The following THSD4 variants were observed in gnomAD, a reference collection of about 807,000 sequenced individuals.
THSD4 encodes thrombospondin type 1 domain containing 4.
Under a neutral mutation model 119.0 loss-of-function variants are expected in THSD4, and 69 were observed. The ratio of observed to expected loss-of-function variants is 0.58; its 90% confidence interval spans 0.48 to 0.71. The LOEUF (loss-of-function observed/expected upper bound fraction) is 0.71. Among genes scored for constraint, THSD4 ranks in the 30% least tolerant of loss-of-function variants. The pLI is 0.00. For missense variants in THSD4, 1,393 were observed against 1,391.1 expected, an observed-to-expected ratio of 1.00 and a Z score of -0.02; for synonymous variants, 524 against 540.4, an observed-to-expected ratio of 0.97 and a Z score of 0.42.
At chr15:71,512,835 T>A (rs1029256766) in intron 7 of THSD4, among the ~76,000 whole-genome samples, 1 of 152,162 alleles carries the variant, frequency 6.6e-6, no homozygotes, top group Admixed American at 6.5e-5. Flanking sequence ...AGAGTAGGGC[T>A]TGTGGTAGCT....
In THSD4 at chr15:71,771,142, T is replaced by A. The variant is rs1205955937; in HGVS notation, c.2848T>A (p.Cys950Ser). Residue 950 changes from cysteine to serine, a missense_variant, in exon 17 of 18, where the codon TGT becomes AGT. By Grantham distance (112) the Cys-to-Ser change is moderately radical. Coordinates refer to ENST00000261862, the MANE Select transcript of THSD4 (RefSeq NM_024817.3). The part of the protein sequence containing the change: ...LSDDMTLSNL[C>S]DPQLKPEERE... ...TGATGACATGACTCTAAGTAACCTC[T>A]GTGACCCTCAGTTGAAACCAGAAGA... The A allele has an allele frequency of 1.2e-6, 2 of 1,614,098 alleles. No homozygotes were observed. The highest frequency in any genetic ancestry group is 3.3e-5 in the Admixed American group (2 of 60,006).
chr15:71,651,071 A>G (rs16955948), intron 7 of THSD4, among the ~76,000 whole-genome samples: 16,897 of 152,222 alleles, frequency 0.11, 998 homozygotes, highest in East Asian at 0.2. Flanking sequence ...ATCAAGATCT[A>G]TGCTCAGACC....
At chr15:71,490,708 A>C (rs953702899) in intron 7 of THSD4, among the ~76,000 whole-genome samples, 4 of 151,980 alleles carry the variant, frequency 2.6e-5, no homozygotes, top group African/African-American at 9.7e-5. Flanking sequence ...CAGCCTGGGT[A>C]ACAGAGCAGG....
At chr15:71,638,674 T>C (rs1177054058) in intron 7 of THSD4, among the ~76,000 whole-genome samples, 1 of 152,200 alleles carries the variant, frequency 6.6e-6, no homozygotes, top group African/African-American at 2.4e-5. Context: ...GAATTCGAGA[T>C]CTAGTTTGTA....
At chr15:71,305,279 G>A (rs2045008794) in intron 6 of THSD4, among the ~76,000 whole-genome samples, 1 of 150,704 alleles carries the variant, frequency 6.6e-6, no homozygotes, top group Non-Finnish European at 1.5e-5. Flanking sequence ...ACAGACTTGA[G>A]TCTAAGAGGA....
intron 8 of THSD4, among the ~76,000 whole-genome samples, chr15:71,684,637 C>T (rs1361882705): frequency 6.6e-6 from 1 of 151,312 alleles, no homozygotes; most frequent in Non-Finnish European, 1.5e-5. Flanking sequence ...TTTCATCTTG[C>T]TGAATGGTTT....
intron 8 of THSD4, among the ~76,000 whole-genome samples, chr15:71,727,125 G>A (rs2052856985): frequency 1.3e-5 from 2 of 151,932 alleles, no homozygotes; most frequent in African/African-American, 2.4e-5. Context: ...AGAAATCACA[G>A]GTCTGACCCC....
intron 7 of THSD4, among the ~76,000 whole-genome samples, chr15:71,568,874 C>G (rs1484017161): frequency 6.6e-6 from 1 of 152,140 alleles, no homozygotes; most frequent in Non-Finnish European, 1.5e-5. Context: ...GTTTGCTGAT[C>G]TTTCTCTCTT....
chr15:71,556,397 A>T (rs2049017141), intron 7 of THSD4, among the ~76,000 whole-genome samples: 1 of 151,644 alleles, frequency 6.6e-6, no homozygotes, highest in Non-Finnish European at 1.5e-5. Context: ...TTTTTATTAT[A>T]AATTATGTGT....
chr15:71,692,666 G>A (rs1178574837), intron 8 of THSD4, among the ~76,000 whole-genome samples: 1 of 152,122 alleles, frequency 6.6e-6, no homozygotes, highest in East Asian at 1.9e-4. Flanking sequence ...GAGTTGGAGT[G>A]TCGCTCTGAC....
intron 15 of THSD4, among the ~76,000 whole-genome samples, chr15:71,760,956 C>T (rs1027115188): frequency 2.6e-5 from 4 of 152,120 alleles, no homozygotes; most frequent in African/African-American, 4.8e-5. Flanking sequence ...AATTTTCAAA[C>T]GTTCTATGTA....
chr15:71,585,212 T>C (rs1017962074), intron 7 of THSD4, among the ~76,000 whole-genome samples: 2 of 152,226 alleles, frequency 1.3e-5, no homozygotes, highest in Non-Finnish European at 2.9e-5. Flanking sequence ...TATTGCTAAT[T>C]CGTGTCTTTT....
chr15:71,524,322 G>A (rs750988577), intron 7 of THSD4, among the ~76,000 whole-genome samples: 5 of 152,140 alleles, frequency 3.3e-5, no homozygotes, highest in Admixed American at 2.0e-4. Flanking sequence ...TTAATAGTCC[G>A]TGCAACTGTC....
chr15:71,560,937 A>G (rs530221260), intron 7 of THSD4, among the ~76,000 whole-genome samples: 3 of 150,476 alleles, frequency 2.0e-5, no homozygotes, highest in East Asian at 3.9e-4. Context: ...TAGGCAGGCT[A>G]CAAGTAAGTT....
At chr15:71,419,900 G>A (rs2046791500) in intron 7 of THSD4, among the ~76,000 whole-genome samples, 1 of 108,274 alleles carries the variant, frequency 9.2e-6, no homozygotes, top group South Asian at 2.9e-4. Context: ...CTAACATATG[G>A]TCTATCCTTA....
intron 8 of THSD4, among the ~76,000 whole-genome samples, chr15:71,717,661 A>T (rs1595886941): frequency 6.6e-6 from 1 of 152,124 alleles, no homozygotes; most frequent in African/African-American, 2.4e-5. Context: ...CATAGACACT[A>T]AGATTAGGGA....
chr15:71,578,964 C>T (rs2049508713), intron 7 of THSD4, among the ~76,000 whole-genome samples: 1 of 151,588 alleles, frequency 6.6e-6, no homozygotes, highest in Admixed American at 6.6e-5. Flanking sequence ...CTGCCTCAGC[C>T]TCCCGAGTAG....
intron 7 of THSD4, among the ~76,000 whole-genome samples, chr15:71,626,601 CAT>C (rs2050514829): frequency 6.6e-6 from 1 of 152,132 alleles, no homozygotes; most frequent in Non-Finnish European, 1.5e-5. Flanking sequence ...TTGAGATTCC[CAT>C]ATGATTTTTC....
chr15:71,505,562 A>G (rs1355991939), intron 7 of THSD4, among the ~76,000 whole-genome samples: 1 of 152,246 alleles, frequency 6.6e-6, no homozygotes, highest in African/African-American at 2.4e-5. Context: ...AAAATGGAAA[A>G]GCAGCGGTCA....
Sources: gnomAD v4.1 joint callset for allele counts (sites outside exome capture counted in the v4.1 genomes callset) on GRCh38, gnomAD v4.1.1 for gene constraint, MANE v1.5 for transcripts, NCBI Gene and HGNC (gene_info 2026-07-23, HGNC 2026-07-21) for gene names.